STK31: variants seen among roughly 807,000 people sequenced by gnomAD.
The protein encoded by STK31 is serine/threonine kinase 31.
A neutral mutation model predicts 129.7 loss-of-function variants in STK31; 89 were observed. That is an observed-to-expected ratio of 0.69 (90% CI 0.58 to 0.82). The LOEUF is 0.82. Among genes scored for constraint, STK31 ranks in the 40% least tolerant of loss-of-function variants. The pLI, the probability that STK31 is intolerant of heterozygous loss-of-function variation, is 0.00. For synonymous variants in STK31, 448 were observed against 395.3 expected (o/e 1.13, Z -1.58); for missense variants, 1,187 against 1,176.4 (o/e 1.01, Z -0.13).
chr7:23,725,401 A>G (rs925934936), intron 4 of STK31, among the ~76,000 whole-genome samples: 3 of 129,522 alleles, frequency 2.3e-5, no homozygotes, highest in Non-Finnish European at 1.6e-5. Flanking sequence ...AAAAAAAGCT[A>G]GGTATGGTAT....
chr7:23,775,018 A>G (rs368038578), intron 15 of STK31, among the ~76,000 whole-genome samples: 4 of 152,166 alleles, frequency 2.6e-5, no homozygotes, highest in African/African-American at 4.8e-5. Context: ...TCCCAACACC[A>G]TTTATTAAGT....
At chr7:23,745,391 A>C (rs1439637077) in intron 8 of STK31, among the ~76,000 whole-genome samples, 3 of 152,148 alleles carry the variant, frequency 2.0e-5, no homozygotes, top group Admixed American at 1.3e-4. Flanking sequence ...TGGGGGTGGC[A>C]GTGGTTGCTT....
intron 22 of STK31, among the ~76,000 whole-genome samples, chr7:23,799,169 C>G (rs369093959): frequency 7.9e-5 from 12 of 152,294 alleles, no homozygotes; most frequent in African/African-American, 2.4e-4. Context: ...CCATACTACT[C>G]AAAGTAATAT....
At chr7:23,737,104 A>C in intron 8 of STK31, 26 bp downstream of exon 8, 1 of 1,550,112 alleles carries the variant, frequency 6.5e-7, no homozygotes, top group Non-Finnish European at 8.7e-7. Flanking sequence ...TAAGGTGAAG[A>C]GTGTCCAACT....
chr7:23,723,619 C>G (rs1786863595), intron 4 of STK31, among the ~76,000 whole-genome samples: 4 of 152,134 alleles, frequency 2.6e-5, no homozygotes, highest in Non-Finnish European at 5.9e-5. Flanking sequence ...TGTCAGTTTT[C>G]CTTAGTGATC....
chr7:23,786,051 AT>A (rs1357997238), intron 18 of STK31, among the ~76,000 whole-genome samples: 1 of 152,144 alleles, frequency 6.6e-6, no homozygotes, highest in Admixed American at 6.5e-5. Context: ...AGAAAAAAAA[AT>A]AAAGTTTCCC....
intron 23 of STK31, among the ~76,000 whole-genome samples, chr7:23,826,421 C>T (rs1794154665): frequency 1.3e-5 from 2 of 151,950 alleles, no homozygotes. Flanking sequence ...GGATTGCAAC[C>T]CCTGCCTTTT....
rs756692899 is a variant in STK31, at chr7:23,752,730, C to G, written c.1031C>G (p.Ala344Gly). ...IAQELQQEKA[A>G]AVDLTNHLEY... ...TCTTTGTTTCAGCAAGAGAAGGCAG[C>G]TGCTGTGGATTTGACTAACCACTTA... The change falls in exon 9 of 24, where the codon GCT becomes GGT. Residue 344 changes from alanine to glycine, a missense_variant. Physicochemically the swap from Ala to Gly is moderately conservative, Grantham distance 60 (BLOSUM62 0). This residue lies in a region of STK31 where 975 missense variants were observed against 934.9 expected (regional missense o/e 1.04). Transcript: ENST00000355870. The G allele has an allele frequency of 3.1e-6, 5 of 1,612,268 alleles. No homozygotes were observed. In the East Asian group the frequency reaches 8.9e-5, roughly 29 times the overall value.
At chr7:23,783,367 G>A (rs185270485) in intron 16 of STK31, among the ~76,000 whole-genome samples, 1 of 152,114 alleles carries the variant, frequency 6.6e-6, no homozygotes, top group Non-Finnish European at 1.5e-5. Context: ...ATAGAAGTAC[G>A]GAGTCCTTCT....
chr7:23,831,092 T>C (rs1226919383), intron 23 of STK31, among the ~76,000 whole-genome samples: 3 of 152,254 alleles, frequency 2.0e-5, no homozygotes, highest in African/African-American at 4.8e-5. Flanking sequence ...ATGAGAAGTA[T>C]GTGTATTCTG....
intron 4 of STK31, among the ~76,000 whole-genome samples, chr7:23,717,918 CA>C (rs1380586430): frequency 6.6e-6 from 1 of 151,998 alleles, no homozygotes; most frequent in African/African-American, 2.4e-5. Context: ...TGATGGTTAT[CA>C]GGGACTGGGG....
chr7:23,754,055 T>G (rs1172280022), intron 9 of STK31, among the ~76,000 whole-genome samples: 1 of 152,172 alleles, frequency 6.6e-6, no homozygotes, highest in Non-Finnish European at 1.5e-5. Flanking sequence ...AATTTTTTCA[T>G]ATTTTTTATG....
chr7:23,757,927 G>T (rs548161698), intron 10 of STK31, among the ~76,000 whole-genome samples: 1 of 152,116 alleles, frequency 6.6e-6, no homozygotes, highest in Non-Finnish European at 1.5e-5. Context: ...AGGGAGTGGT[G>T]ATGATTTTTA....
chr7:23,810,675 A>G, intron 22 of STK31, among the ~76,000 whole-genome samples: 1 of 130,604 alleles, frequency 7.7e-6, no homozygotes, highest in Admixed American at 8.6e-5. Flanking sequence ...TATAATATAT[A>G]TAAAATAGAT....
In STK31 at chr7:23,832,186, A is replaced by G. The variant is rs1450912691; in HGVS notation, c.2880A>G (p.Ser960=). 7 of 1,614,058 alleles carry G rather than the reference A, an allele frequency of 4.3e-6. No homozygotes were observed. The Admixed American group carries it at 1.0e-4, about 23-fold the overall frequency. ...GTAGCTTGATATGTTATAGAAGTTC[A>G]ATGACTGCTGAACAAGTTTTAAATG... ...LLCSLICYRS[S]MTAEQVLNAE... Residue 960 remains serine, a synonymous_variant, in exon 24 of 24, where the codon TCA becomes TCG. Transcript: ENST00000355870.
intron 11 of STK31, among the ~76,000 whole-genome samples, chr7:23,764,871 T>A (rs1789711015): frequency 6.6e-6 from 1 of 152,060 alleles, no homozygotes; most frequent in African/African-American, 2.4e-5. Context: ...CACATGTACC[T>A]CCAAACCTAA....
intron 22 of STK31, among the ~76,000 whole-genome samples, chr7:23,813,642 C>A (rs543443196): frequency 4.6e-5 from 7 of 152,270 alleles, no homozygotes; most frequent in Admixed American, 3.9e-4. Context: ...TTGCGTGCTG[C>A]TGGGCCTCCA....
chr7:23,756,063 T>C (rs565321702), intron 10 of STK31, among the ~76,000 whole-genome samples: 1 of 152,290 alleles, frequency 6.6e-6, no homozygotes, highest in Admixed American at 6.5e-5. Context: ...GGGAATAGCA[T>C]TGGTTCTATA....
chr7:23,721,778 G>T (rs1308208054), intron 4 of STK31: 1 of 661,690 alleles, frequency 1.5e-6, no homozygotes. Context: ...GTTTTGTCCA[G>T]TTCTGCGTTA....
Sources: gnomAD v4.1 joint callset for allele counts (sites outside exome capture counted in the v4.1 genomes callset) on GRCh38, gnomAD v4.1.1 for gene constraint, gnomAD v4.1.1 regional missense constraint, MANE v1.5 for transcripts, NCBI Gene and HGNC (gene_info 2026-07-23, HGNC 2026-07-21) for gene names.